The following ZMYM2 variants were observed in gnomAD, a reference collection of about 807,000 sequenced individuals.
ZMYM2 encodes zinc finger MYM-type protein 2.
A neutral mutation model predicts 162.8 loss-of-function variants in ZMYM2; 56 were observed. That is an observed-to-expected ratio of 0.34 (90% CI 0.28 to 0.43). The LOEUF is 0.43. ZMYM2 is among the 20% of genes least tolerant of loss of function. The pLI, the probability that ZMYM2 is intolerant of heterozygous loss-of-function variation, is 1.00. For missense variants in ZMYM2, 1,275 were observed against 1,621.8 expected (o/e 0.79, Z 3.67); for synonymous variants, 510 against 541.6 (o/e 0.94, Z 0.81).
intron 6 of ZMYM2, among the ~76,000 whole-genome samples, chr13:20,013,984 G>C (rs1472927877): frequency 6.6e-6 from 1 of 152,124 alleles, no homozygotes; most frequent in Non-Finnish European, 1.5e-5. Flanking sequence ...ATTTTTGGAA[G>C]CGTGGGAATT....
Position 20,050,948 on chromosome 13 carries a change from A to G in ZMYM2, c.2293-485A>G, listed in dbSNP as rs573686628. On this transcript the variant is annotated intron_variant, in intron 12 of 24. Transcript: ENST00000610343. The stretch of plus-strand genomic sequence containing the variant: ...ATTTATTAAAGCTTTTCAAATTTAT[A>G]TTAAACTGTTGAAAAACTCAAAATT... Among the ~76,000 whole-genome samples, 26 of 152,184 alleles carry G rather than the reference A, an allele frequency of 1.7e-4. No homozygotes were observed. The South Asian group carries it at 5.4e-3, about 31-fold the overall frequency.
intron 17 of ZMYM2, among the ~76,000 whole-genome samples, chr13:20,062,511 C>G (rs1414698155): frequency 6.6e-6 from 1 of 152,140 alleles, no homozygotes; most frequent in Non-Finnish European, 1.5e-5. Flanking sequence ...GTTGTCTACC[C>G]TCATTAGTTT....
At chr13:19,980,895 T>C (rs538932822) in intron 2 of ZMYM2, among the ~76,000 whole-genome samples, 4 of 152,182 alleles carry the variant, frequency 2.6e-5, no homozygotes, top group Admixed American at 2.0e-4. Context: ...TTAGGGAAAA[T>C]TGATATCTTT....
rs1953074618 is a variant in ZMYM2 at position 20,030,977 on chromosome 13, TTC to T, written c.1852-340_1852-339del. Among the ~76,000 whole-genome samples the T allele has an allele frequency of 2.6e-5, 4 of 152,342 alleles. No homozygotes were observed. The South Asian group carries it at 8.3e-4, about 32-fold the overall frequency. ...TTTTGTTCTTTTTGTTTTTTTAAACTTCTGTTAGTTCAGAACGTGGGCAACTT... is the reference window on the plus strand; with the variant it reads ...TTTTGTTCTTTTTGTTTTTTTAAACTTGTTAGTTCAGAACGTGGGCAACTT... On this transcript the variant is annotated intron_variant, in intron 9 of 24. Transcript: ENST00000610343.
chr13:19,934,820 C>A, the ZMYM2 span, among the ~76,000 whole-genome samples: 1 of 147,898 alleles, frequency 6.8e-6, no homozygotes, highest in South Asian at 2.1e-4. Flanking sequence ...ACGCTGGAGT[C>A]CAGTGGCACC....
At chr13:20,015,535 C>T (rs543538027) in intron 6 of ZMYM2, among the ~76,000 whole-genome samples, 2 of 152,240 alleles carry the variant, frequency 1.3e-5, no homozygotes, top group South Asian at 4.1e-4. Flanking sequence ...GATGGTTTGT[C>T]CACTATTGTA....
At chr13:19,890,885 A>C in the ZMYM2 span, among the ~76,000 whole-genome samples, 1 of 151,726 alleles carries the variant, frequency 6.6e-6, no homozygotes, top group African/African-American at 2.4e-5. Flanking sequence ...AAAAAAAAAA[A>C]ATTCAGCTAC....
the ZMYM2 span, among the ~76,000 whole-genome samples, chr13:19,868,286 A>G: frequency 2.6e-5 from 4 of 152,240 alleles, no homozygotes; most frequent in African/African-American, 9.6e-5. Context: ...ACAGTCAGAG[A>G]TTAAAGCTTA....
At chr13:19,892,608 T>C in the ZMYM2 span, among the ~76,000 whole-genome samples, 2 of 151,510 alleles carry the variant, frequency 1.3e-5, no homozygotes, top group Non-Finnish European at 2.9e-5. Flanking sequence ...TGACATGTGT[T>C]CTGGACTGTT....
chr13:20,026,739 A>G lies in ZMYM2; in HGVS notation c.1712A>G (p.Lys571Arg). ...YCSTACMNSH[K>R]TKYAKSQSLG... is the part of the protein sequence containing the mutation. Reference sequence around the variant, plus strand: ...TCAACTGCTTGTATGAACAGTCACAAGACAAAATATGCAAAATCACAAAGT... The same window carrying G: ...TCAACTGCTTGTATGAACAGTCACAGGACAAAATATGCAAAATCACAAAGT... The change falls in exon 8 of 25, where the codon AAG becomes AGG. Residue 571 changes from lysine (K) to arginine (R), a missense_variant. Coordinates refer to ENST00000610343, the MANE Select transcript of ZMYM2 (RefSeq NM_197968.4). 1 of 1,595,726 alleles carries G rather than the reference A, an allele frequency of 6.3e-7. No homozygotes were observed. The highest frequency in any genetic ancestry group is 8.5e-7 in the Non-Finnish European group (1 of 1,176,184).
the ZMYM2 span, among the ~76,000 whole-genome samples, chr13:19,886,447 G>A: frequency 6.6e-6 from 1 of 151,776 alleles, no homozygotes; most frequent in Non-Finnish European, 1.5e-5. Context: ...ACAGGTGTGA[G>A]CCACTGCGCC....
At chr13:19,906,284 G>GTATATATATATA in the ZMYM2 span, among the ~76,000 whole-genome samples, 101 of 63,770 alleles carry the variant, frequency 1.6e-3, 3 homozygotes, top group Non-Finnish European at 1.9e-3. Context: ...TCAAAAAAAA[G>GTATATATATATA]TATATATATA....
the ZMYM2 span, among the ~76,000 whole-genome samples, chr13:19,904,088 C>G: frequency 6.6e-6 from 1 of 151,996 alleles, no homozygotes; most frequent in Non-Finnish European, 1.5e-5. Context: ...ATTAAAAAGG[C>G]TGATCCATAC....
intron 6 of ZMYM2, among the ~76,000 whole-genome samples, chr13:20,014,883 G>A (rs993660599): frequency 6.2e-5 from 9 of 145,750 alleles, no homozygotes; most frequent in South Asian, 2.3e-4. Context: ...TCCTGCATCC[G>A]CCTCCTGAGT....
At chr13:19,927,987 G>A in the ZMYM2 span, among the ~76,000 whole-genome samples, 1 of 152,030 alleles carries the variant, frequency 6.6e-6, no homozygotes, top group Non-Finnish European at 1.5e-5. Flanking sequence ...GTTGGGGTGT[G>A]TGCCTTTTTC....
chr13:20,041,989 A>T (rs1954294318), intron 12 of ZMYM2, among the ~76,000 whole-genome samples: 1 of 151,902 alleles, frequency 6.6e-6, no homozygotes, highest in African/African-American at 2.4e-5. Context: ...GCCTTTTAAC[A>T]TTTTTTCTTT....
Position 20,002,917 on chromosome 13 carries a change from A to G in ZMYM2, c.915A>G (p.Ser305=). ...AACAACCAGGGGTGGACTCTTTATC[A>G]CCAGTGGCCTCACTTCCTAAACAGA... ...NQKQPGVDSL[S]PVASLPKQIF... Residue 305 remains serine, a synonymous_variant, in exon 4 of 25, where the codon TCA becomes TCG. Coordinates refer to ENST00000610343, the MANE Select transcript of ZMYM2 (RefSeq NM_197968.4). The G allele has an allele frequency of 6.2e-7, 1 of 1,614,158 alleles. No homozygotes were observed. Among genetic ancestry groups the G allele is most frequent in the South Asian group, 1.1e-5 (1 of 91,086 alleles).
intron 2 of ZMYM2, among the ~76,000 whole-genome samples, chr13:19,961,062 G>A (rs1955153945): frequency 6.6e-6 from 1 of 151,284 alleles, no homozygotes; most frequent in Non-Finnish European, 1.5e-5. Context: ...AGCCCACAGG[G>A]TAATACCTAT....
the ZMYM2 span, among the ~76,000 whole-genome samples, chr13:19,934,327 A>T: frequency 6.6e-6 from 1 of 151,930 alleles, no homozygotes; most frequent in Non-Finnish European, 1.5e-5. Context: ...TGCCTGGCTA[A>T]TTTTTGTATT....
Sources: gnomAD v4.1 joint callset for allele counts (sites outside exome capture counted in the v4.1 genomes callset) on GRCh38, gnomAD v4.1.1 for gene constraint, MANE v1.5 for transcripts, NCBI Gene and HGNC (gene_info 2026-07-23, HGNC 2026-07-21) for gene names.